RPRD1B: variants seen among roughly 807,000 people sequenced by gnomAD.
RPRD1B encodes regulation of nuclear pre-mRNA domain-containing protein 1B.
RPRD1B carries 11 observed loss-of-function variants against 41.5 expected under a neutral mutation model. The observed-to-expected ratio is 0.27, with a 90% confidence interval of 0.17 to 0.44. RPRD1B has a LOEUF of 0.44. Ranked by LOEUF, RPRD1B falls within the 20% of genes least tolerant of loss-of-function variation. RPRD1B has a pLI of 1.00. For missense variants in RPRD1B, 248 were observed against 389.9 expected, an observed-to-expected ratio of 0.64 and a Z score of 3.06; for synonymous variants, 158 against 155.6, an observed-to-expected ratio of 1.02 and a Z score of -0.12.
At position 38,091,778 on chromosome 20, in the gene RPRD1B, A is replaced by G. The variant is rs1235680062; in HGVS notation, c.*1903A>G. The G allele has an allele frequency of 2.0e-6, 2 of 985,764 alleles. No individual in the cohort carries two copies. Among genetic ancestry groups the G allele is most frequent in the African/African-American group, 3.5e-5 (2 of 57,240 alleles). 61.1% of individuals were successfully genotyped at this position (985,764 alleles called of 1,614,324 possible). ...GGATCGTAGATATTTGCTCTGATCA[A>G]CTAGATGAAAATATAGCAGAATGGA... On this transcript the variant is annotated 3_prime_UTR_variant, in exon 7 of 7. Transcript: ENST00000373433.
intron 2 of RPRD1B, among the ~76,000 whole-genome samples, chr20:38,046,549 T>C (rs527479221): frequency 2.6e-5 from 4 of 152,238 alleles, no homozygotes; most frequent in Non-Finnish European, 4.4e-5. Context: ...AAAAGTTGTA[T>C]GGAGAAAAAT....
At chr20:38,089,374 G>T (rs976537300) in intron 6 of RPRD1B, among the ~76,000 whole-genome samples, 2 of 152,134 alleles carry the variant, frequency 1.3e-5, no homozygotes, top group Admixed American at 1.3e-4. Flanking sequence ...CAAAGAAATT[G>T]TGAGGCTCAG....
At chr20:38,040,634 C>G in intron 2 of RPRD1B, 70 bp downstream of exon 2, 1 of 1,487,094 alleles carries the variant, frequency 6.7e-7, no homozygotes, top group Middle Eastern at 1.8e-4. Context: ...CTTTCCTTTT[C>G]TGTGATAGCC....
chr20:38,037,572 A>G (rs955346290), intron 1 of RPRD1B, among the ~76,000 whole-genome samples: 1 of 152,192 alleles, frequency 6.6e-6, no homozygotes, highest in African/African-American at 2.4e-5. Flanking sequence ...AGGGGTGTGC[A>G]TGTTGTGTGT....
intron 3 of RPRD1B, chr20:38,048,748 A>C (rs1211998329): frequency 3.9e-6 from 1 of 254,684 alleles, no homozygotes; most frequent in African/African-American, 2.3e-5. Context: ...CTTTCCTTGC[A>C]CAAGGAAAGG....
chr20:38,049,367 C>CTTTTTTTTTTTTTTTTTTTT (rs11481142), intron 3 of RPRD1B, among the ~76,000 whole-genome samples: 59 of 93,408 alleles, frequency 6.3e-4, no homozygotes, highest in African/African-American at 8.0e-4. Context: ...TTCTTTTTTT[C>CTTTTTTTTTTTTTTTTTTTT]TTTTTTTTTT....
At chr20:38,038,268 A>C (rs2122688165) in intron 1 of RPRD1B, among the ~76,000 whole-genome samples, 1 of 152,134 alleles carries the variant, frequency 6.6e-6, no homozygotes, top group Non-Finnish European at 1.5e-5. Context: ...TGTGCTATTA[A>C]AATCATGTTT....
intron 2 of RPRD1B, among the ~76,000 whole-genome samples, chr20:38,045,291 C>T (rs1726606774): frequency 6.6e-6 from 1 of 152,134 alleles, no homozygotes; most frequent in South Asian, 2.1e-4. Flanking sequence ...GTTAGTACAA[C>T]CTGAAAATAT....
intron 6 of RPRD1B, among the ~76,000 whole-genome samples, chr20:38,074,247 T>G (rs1190115944): frequency 1.3e-5 from 2 of 152,174 alleles, no homozygotes; most frequent in Non-Finnish European, 2.9e-5. Flanking sequence ...TGTGAGTGAT[T>G]TGGAGTTCCT....
At chr20:38,078,649 G>A (rs922574735) in intron 6 of RPRD1B, among the ~76,000 whole-genome samples, 7 of 152,260 alleles carry the variant, frequency 4.6e-5, no homozygotes, top group East Asian at 3.9e-4. Flanking sequence ...GGCAAGTACC[G>A]ATGTCACTTG....
intron 5 of RPRD1B, among the ~76,000 whole-genome samples, chr20:38,059,805 C>T (rs1192038642): frequency 1.3e-5 from 2 of 151,994 alleles, no homozygotes; most frequent in South Asian, 2.1e-4. Flanking sequence ...AAATTGTGTG[C>T]GTGTGGGGTG....
intron 6 of RPRD1B, among the ~76,000 whole-genome samples, chr20:38,067,837 A>G (rs1258113456): frequency 6.6e-6 from 1 of 152,222 alleles, no homozygotes; most frequent in Non-Finnish European, 1.5e-5. Context: ...AAGAGAGTGT[A>G]ATTAATGATT....
chr20:38,052,042 C>T lies in RPRD1B; in HGVS notation c.415+3561C>T, dbSNP rs144088605. 5.1e-3 allele frequency among the ~76,000 whole-genome samples: 775 copies of T among 152,314 alleles called. 6 individuals carry two copies. Among genetic ancestry groups the T allele is most frequent in the African/African-American group, 0.017 (708 of 41,552 alleles). ...GCAGGATTACAGGCATGAGCCACCACACCCGGCCCCTAGCTGTCATTTCTA... is the reference window on the plus strand; with the variant it reads ...GCAGGATTACAGGCATGAGCCACCATACCCGGCCCCTAGCTGTCATTTCTA... On this transcript the variant is annotated intron_variant, in intron 3 of 6. Coordinates refer to ENST00000373433, the MANE Select transcript of RPRD1B (RefSeq NM_021215.4).
intron 6 of RPRD1B, among the ~76,000 whole-genome samples, chr20:38,079,249 T>G (rs1369087711): frequency 6.8e-6 from 1 of 146,450 alleles, no homozygotes; most frequent in Non-Finnish European, 1.5e-5. Context: ...TGGATTTTCT[T>G]TTTTTTTTTT....
chr20:38,049,423 T>C (rs6022623), intron 3 of RPRD1B, among the ~76,000 whole-genome samples: 77,906 of 138,212 alleles, frequency 0.56, 23,911 homozygotes, highest in African/African-American at 0.83. Flanking sequence ...TGGGCTGGAG[T>C]GCGGTGGTAT....
intron 2 of RPRD1B, among the ~76,000 whole-genome samples, chr20:38,044,350 C>T (rs891689262): frequency 9.3e-5 from 14 of 151,346 alleles, no homozygotes; most frequent in Admixed American, 3.9e-4. Flanking sequence ...ATTCTAAGCT[C>T]CCAGAAATAA....
intron 5 of RPRD1B, among the ~76,000 whole-genome samples, chr20:38,062,170 G>A (rs983154270): frequency 9.2e-5 from 14 of 152,166 alleles, no homozygotes; most frequent in Admixed American, 6.5e-4. Context: ...GTGGTAATTT[G>A]CTACAGTAGC....
chr20:38,066,930 C>CA (rs974506904), intron 6 of RPRD1B, among the ~76,000 whole-genome samples: 2 of 152,192 alleles, frequency 1.3e-5, no homozygotes, highest in African/African-American at 4.8e-5. Context: ...GCTGGGATTA[C>CA]AGGTGTGAGC....
chr20:38,064,884 G>A (rs2074337343), intron 5 of RPRD1B, among the ~76,000 whole-genome samples: 2 of 151,982 alleles, frequency 1.3e-5, no homozygotes, highest in Non-Finnish European at 2.9e-5. Flanking sequence ...TACTCGGGAG[G>A]CTGAGGCAGG....
Sources: allele counts gnomAD v4.1 joint callset (sites outside exome capture counted in the v4.1 genomes callset), GRCh38; gene constraint gnomAD v4.1.1; transcripts MANE v1.5; gene names NCBI Gene and HGNC (gene_info 2026-07-23, HGNC 2026-07-21).